The following STX7 variants were observed in gnomAD, a reference collection of about 807,000 sequenced individuals.
STX7 encodes the protein syntaxin-7.
Under a neutral mutation model 39.6 loss-of-function variants are expected in STX7, and 34 were observed. The ratio of observed to expected loss-of-function variants is 0.86; its 90% CI spans 0.65 to 1.14. The LOEUF (loss-of-function observed/expected upper bound fraction) is 1.14. STX7 is among the 50% of genes most tolerant of loss of function. The pLI is 0.00. For synonymous variants in STX7, 119 were observed against 99.1 expected (o/e 1.20, Z -1.19); for missense variants, 284 against 310.4 (o/e 0.92, Z 0.64).
intron 2 of STX7, among the ~76,000 whole-genome samples, chr6:132,487,285 C>G (rs776355712): frequency 6.6e-6 from 1 of 152,110 alleles, no homozygotes; most frequent in Non-Finnish European, 1.5e-5. Flanking sequence ...ATAATACTCT[C>G]TTAATTGCAG....
intron 7 of STX7, among the ~76,000 whole-genome samples, chr6:132,469,619 CT>C (rs1249729867): frequency 1.3e-5 from 2 of 152,172 alleles, no homozygotes; most frequent in African/African-American, 4.8e-5. Context: ...AGGCAGATCA[CT>C]TGAGACCAGG....
chr6:132,478,109 TA>T (rs549945286), intron 2 of STX7, among the ~76,000 whole-genome samples: 114 of 151,668 alleles, frequency 7.5e-4, no homozygotes, highest in African/African-American at 2.7e-3. Flanking sequence ...GACAATCCAG[TA>T]GAAAAATGGG....
In STX7 at chr6:132,512,772, C is replaced by T. The variant is rs145517334; in HGVS notation, c.-59+235G>A. On this transcript the variant is annotated intron_variant, in intron 1 of 9. Transcript: ENST00000367941. The stretch of plus-strand genomic sequence containing the variant: ...GTAGGCCCACCTGACCACAGCCGCG[C>T]GCACCCGGAATGCGGAACGCGCCGC... Among the ~76,000 whole-genome samples the T allele has an allele frequency of 5.1e-3, 773 of 152,228 alleles. 10 individuals are homozygous for T. Among genetic ancestry groups the T allele is most frequent in the African/African-American group, 0.017 (714 of 41,552 alleles).
At position 132,475,689 on chromosome 6, in the gene STX7, A is replaced by T. The variant is rs774301174; in HGVS notation, c.86-27T>A. On this transcript the variant is annotated intron_variant, in intron 2 of 9. Transcript: ENST00000367941. ...TATTATAATAGAAAATTCATGTATT[A>T]ATTGTCACAAAAGTTAAGGTAACAG... 12 of 1,520,258 alleles carry T rather than the reference A, an allele frequency of 7.9e-6. No individual in the cohort carries two copies. In the African/African-American group the frequency reaches 1.7e-4, roughly 21 times the overall value. 94.2% of individuals were successfully genotyped at this position (1,520,258 alleles called of 1,614,324 possible).
At position 132,452,868 on chromosome 6, in the gene STX7, C is replaced by G. The variant is rs756647809; in HGVS notation, c.*7890G>C. The G allele has an allele frequency of 2.5e-4, 38 of 152,190 alleles. No homozygotes were observed. The highest frequency in any genetic ancestry group is 3.4e-3 in the Middle Eastern group (1 of 294). The allele number at this position is 152,190 out of a possible 1,614,324, so 9.4% of individuals were successfully genotyped here. ...TCCCAGTAAGATATTTGAATAGATACAGACAAGATTATTCCAAAGTTTATA... is the reference window on the plus strand; with the variant it reads ...TCCCAGTAAGATATTTGAATAGATAGAGACAAGATTATTCCAAAGTTTATA... On this transcript the variant is annotated 3_prime_UTR_variant, in exon 10 of 10. Transcript: ENST00000367941.
intron 2 of STX7, among the ~76,000 whole-genome samples, chr6:132,487,299 TA>T (rs920839344): frequency 2.6e-5 from 4 of 151,924 alleles, no homozygotes; most frequent in African/African-American, 9.7e-5. Context: ...ATTGCAGCCA[TA>T]AAAAAAATGA....
chr6:132,480,457 T>C (rs1774988080), intron 2 of STX7, among the ~76,000 whole-genome samples: 5 of 152,190 alleles, frequency 3.3e-5, no homozygotes, highest in Non-Finnish European at 2.9e-5. Context: ...TAATTATCCA[T>C]TTGTACAATT....
chr6:132,471,467 A>G lies in STX7; in HGVS notation c.383T>C (p.Val128Ala). ...AATGTCTTTTAAAATACTTACAGACACTCTGGAACTGGCTCTTACTCGAGC... is the reference window on the plus strand; with the variant it reads ...AATGTCTTTTAAAATACTTACAGACGCTCTGGAACTGGCTCTTACTCGAGC... ...FVARVRASSR[V>A]SGSFPEDSSK... is the part of the protein sequence containing the mutation. The change falls in exon 5 of 10, where the codon GTG becomes GCG. Residue 128 changes from valine (V) to alanine (A), a missense_variant. Transcript: ENST00000367941. The G allele has an allele frequency of 6.2e-7, 1 of 1,612,378 alleles. No individual in the cohort carries two copies. The highest frequency in any genetic ancestry group is 1.1e-5 in the South Asian group (1 of 90,712).
intron 1 of STX7, among the ~76,000 whole-genome samples, chr6:132,504,902 T>C (rs558898315): frequency 6.6e-6 from 1 of 152,342 alleles, no homozygotes; most frequent in South Asian, 2.1e-4. Context: ...ACGTGAAGGC[T>C]GGGGTGGAGA....
In STX7 at chr6:132,456,305, A is replaced by G. The variant is rs1774241778; in HGVS notation, c.*4453T>C. The G allele has an allele frequency of 6.6e-6, 1 of 152,242 alleles. No homozygotes were observed. The highest frequency in any genetic ancestry group is 2.4e-5 in the African/African-American group (1 of 41,466). 9.4% of individuals were successfully genotyped at this position (152,242 alleles called of 1,614,324 possible). A position where few individuals can be genotyped will look rare whatever the true frequency, so the allele number is the denominator to read the frequency against. ...AGGAGGCTGGTCCAAACGGAGATTT[A>G]TATTTAGACATTCCCTTTCTTCCTT... On this transcript the variant is annotated 3_prime_UTR_variant, in exon 10 of 10. Transcript: ENST00000367941.
chr6:132,452,133 A>C lies in STX7; in HGVS notation c.*8625T>G, dbSNP rs1774148099. ...CCACATGAATGGGCTAAAGAAGAAA[A>C]ATGGCATTATGTAAATTAAGGCAGA... On this transcript the variant is annotated 3_prime_UTR_variant, in exon 10 of 10. Coordinates refer to ENST00000367941, the MANE Select transcript of STX7 (RefSeq NM_003569.3). 6.6e-6 allele frequency: 1 copy of C among 152,196 alleles called. No individual in the cohort carries two copies. Among genetic ancestry groups the C allele is most frequent in the Admixed American group, 6.5e-5 (1 of 15,278 alleles). The allele number at this position is 152,196 out of a possible 1,614,324, so 9.4% of individuals were successfully genotyped here. A position where few individuals can be genotyped will look rare whatever the true frequency, so the allele number is the denominator to read the frequency against.
intron 2 of STX7, among the ~76,000 whole-genome samples, chr6:132,488,921 G>A (rs1562333316): frequency 6.6e-6 from 1 of 152,050 alleles, no homozygotes; most frequent in Non-Finnish European, 1.5e-5. Context: ...AGTGATATAG[G>A]CCAGGCGCAG....
chr6:132,483,594 CTT>C (rs946439218), intron 2 of STX7, among the ~76,000 whole-genome samples: 23 of 152,252 alleles, frequency 1.5e-4, no homozygotes, highest in African/African-American at 5.3e-4. Flanking sequence ...AAACAAAACA[CTT>C]TTTCATTGTT....
rs570064992 is a variant in STX7, at chr6:132,479,738, G to C, written c.86-4076C>G. 1.0e-3 allele frequency among the ~76,000 whole-genome samples: 155 copies of C among 152,204 alleles called. 1 individual carries two copies. In the Middle Eastern group the frequency reaches 0.017, roughly 17 times the overall value. On this transcript the variant is annotated intron_variant, in intron 2 of 9. Coordinates refer to ENST00000367941, the MANE Select transcript of STX7 (RefSeq NM_003569.3). ...TGCCGTACACCAATTTGCAGCAATA[G>C]CAATCTCATGTTATACTCTATTAAA...
intron 3 of STX7, among the ~76,000 whole-genome samples, chr6:132,474,227 C>CCAA (rs777565011): frequency 5.7e-5 from 4 of 69,926 alleles, no homozygotes; most frequent in Non-Finnish European, 1.0e-4. Flanking sequence ...GATCCTGTCT[C>CCAA]AAAAAAAAAA....
chr6:132,452,389 G>A lies in STX7; in HGVS notation c.*8369C>T, dbSNP rs1388710079. 6.6e-6 allele frequency: 1 copy of A among 150,888 alleles called. No individual in the cohort carries two copies. The highest frequency in any genetic ancestry group is 6.6e-5 in the Admixed American group (1 of 15,138). The allele number at this position is 150,888 out of a possible 1,614,324, so 9.3% of individuals were successfully genotyped here. ...CTGGAATTTCTACCCACTGCATTAA[G>A]GGACTGAAAGGAAAAAAAAAAGGAA... is the stretch of plus-strand genomic sequence containing the variant. On this transcript the variant is annotated 3_prime_UTR_variant, in exon 10 of 10. Coordinates refer to ENST00000367941, the MANE Select transcript of STX7 (RefSeq NM_003569.3).
chr6:132,447,108 T>C lies in STX7; in HGVS notation c.*13650A>G, dbSNP rs1774028796. On this transcript the variant is annotated 3_prime_UTR_variant, in exon 10 of 10. Transcript: ENST00000367941. ...TAATTCCGTATCTCCTAAGATACAT[T>C]GGTTAAAAAGATACTAATAAGTTTT... The C allele has an allele frequency of 6.6e-6, 1 of 152,188 alleles. No individual in the cohort carries two copies. The highest frequency in any genetic ancestry group is 1.5e-5 in the Non-Finnish European group (1 of 68,026). The allele number at this position is 152,188 out of a possible 1,614,324, so 9.4% of individuals were successfully genotyped here. A position where few individuals can be genotyped will look rare whatever the true frequency, so the allele number is the denominator to read the frequency against.
At chr6:132,480,666 TAA>T (rs1355414346) in intron 2 of STX7, among the ~76,000 whole-genome samples, 1 of 152,096 alleles carries the variant, frequency 6.6e-6, no homozygotes, top group African/African-American at 2.4e-5. Flanking sequence ...TCTTCACTCA[TAA>T]AAGTGAGTAC....
intron 2 of STX7, among the ~76,000 whole-genome samples, chr6:132,488,638 A>C (rs1775200206): frequency 6.6e-6 from 1 of 152,158 alleles, no homozygotes; most frequent in Non-Finnish European, 1.5e-5. Context: ...CTTGAGTGCT[A>C]ATACTTAATA....
Sources: allele counts gnomAD v4.1 joint callset (sites outside exome capture counted in the v4.1 genomes callset), GRCh38; gene constraint gnomAD v4.1.1; transcripts MANE v1.5; gene names NCBI Gene and HGNC (gene_info 2026-07-23, HGNC 2026-07-21).